The following ARHGAP5 variants were observed in gnomAD, a reference collection of about 807,000 sequenced individuals.
The protein encoded by ARHGAP5 is Rho GTPase activating protein 5.
ARHGAP5 carries 23 observed loss-of-function variants against 116.6 expected under a neutral mutation model. That is an observed-to-expected ratio of 0.20 (90% CI 0.14 to 0.28). The LOEUF is 0.28. ARHGAP5 is among the 10% of genes least tolerant of loss of function. The pLI is 1.00. For missense variants in ARHGAP5, 1,405 were observed against 1,774.8 expected, an observed-to-expected ratio of 0.79 and a Z score of 3.74; for synonymous variants, 574 against 602.0, an observed-to-expected ratio of 0.95 and a Z score of 0.68.
intron 2 of ARHGAP5, among the ~76,000 whole-genome samples, chr14:32,096,663 G>A (rs1179737991): frequency 6.6e-6 from 1 of 152,120 alleles, no homozygotes; most frequent in Non-Finnish European, 1.5e-5. Context: ...AAATTGTGAA[G>A]TAGTAGTTAA....
chr14:32,083,561 T>G (rs1476751705), intron 1 of ARHGAP5, among the ~76,000 whole-genome samples: 1 of 152,226 alleles, frequency 6.6e-6, no homozygotes, highest in East Asian at 1.9e-4. Context: ...CACATTGCCT[T>G]TATCTCCTTG....
intron 3 of ARHGAP5, among the ~76,000 whole-genome samples, chr14:32,139,279 C>A (rs1277927335): frequency 6.6e-6 from 1 of 151,996 alleles, no homozygotes. Context: ...AGTTTGAGAT[C>A]AATTATTGTT....
At chr14:32,117,781 G>C (rs982241303) in intron 3 of ARHGAP5, among the ~76,000 whole-genome samples, 2 of 152,128 alleles carry the variant, frequency 1.3e-5, no homozygotes, top group African/African-American at 4.8e-5. Context: ...TATATGATTT[G>C]AGTTGTATTT....
rs966980772 is a variant in ARHGAP5, at chr14:32,080,558, C to T, written c.-169+3123C>T. ...TAGTTCAGATTACTTTTATTTAGCA[C>T]TTACTATGTGCCTAGCCCTGGAAAT... is the stretch of plus-strand genomic sequence containing the variant. On this transcript the variant is annotated intron_variant, in intron 1 of 6. Coordinates refer to ENST00000345122, the MANE Select transcript of ARHGAP5 (RefSeq NM_001030055.2). Among the ~76,000 whole-genome samples, 6 of 151,822 alleles carry T rather than the reference C, an allele frequency of 4.0e-5. No homozygotes were observed. In the South Asian group the frequency reaches 1.2e-3, roughly 31 times the overall value.
At chr14:32,100,682 C>T (rs1878751811) in intron 2 of ARHGAP5, among the ~76,000 whole-genome samples, 1 of 152,152 alleles carries the variant, frequency 6.6e-6, no homozygotes, top group Admixed American at 6.5e-5. Flanking sequence ...CCACAGAGGT[C>T]TTGAAAGCAA....
At chr14:32,138,858 G>A (rs192220501) in intron 3 of ARHGAP5, among the ~76,000 whole-genome samples, 1 of 152,152 alleles carries the variant, frequency 6.6e-6, no homozygotes, top group East Asian at 1.9e-4. Flanking sequence ...GTCCTTGATC[G>A]TGTTGAAGAA....
At chr14:32,101,166 T>C (rs1412528786) in intron 2 of ARHGAP5, among the ~76,000 whole-genome samples, 1 of 152,182 alleles carries the variant, frequency 6.6e-6, no homozygotes, top group Non-Finnish European at 1.5e-5. Flanking sequence ...CTAATCAGTG[T>C]TTTTTCTTTG....
At position 32,091,979 on chromosome 14, in the gene ARHGAP5, C is replaced by T. The variant is rs56259828; in HGVS notation, c.1310C>T (p.Thr437Ile). The T allele has an allele frequency of 1.2e-6, 2 of 1,613,628 alleles. No individual in the cohort carries two copies. Among genetic ancestry groups the T allele is most frequent in the Non-Finnish European group, 1.7e-6 (2 of 1,179,676 alleles). ...RVEMKEKFKK[T>I]LEKIQFISPG... Reference sequence around the variant, plus strand: ...GAAATGAAGGAAAAATTCAAAAAGACTTTGGAAAAAATTCAATTCATTTCA... The same window carrying T: ...GAAATGAAGGAAAAATTCAAAAAGATTTTGGAAAAAATTCAATTCATTTCA... The change falls in exon 2 of 7, where the codon ACT becomes ATT. Residue 437 changes from threonine to isoleucine, a missense_variant. By Grantham distance (89) the Thr-to-Ile change is moderately conservative. Coordinates refer to ENST00000345122, the MANE Select transcript of ARHGAP5 (RefSeq NM_001030055.2).
At chr14:32,085,559 G>A (rs573404298) in intron 1 of ARHGAP5, among the ~76,000 whole-genome samples, 204 of 152,290 alleles carry the variant, frequency 1.3e-3, no homozygotes, top group African/African-American at 4.6e-3. Context: ...TTAGTGTGCA[G>A]TTGTTTTTTT....
intron 5 of ARHGAP5, among the ~76,000 whole-genome samples, chr14:32,150,585 G>T (rs1190291450): frequency 1.3e-5 from 2 of 152,158 alleles, no homozygotes; most frequent in African/African-American, 4.8e-5. Flanking sequence ...CAAGAAGGGG[G>T]CTGAACTTAC....
rs1235871034 is a variant in ARHGAP5, at chr14:32,157,313, A to G, written c.*2365A>G. ...TCTAAGAACAGAATAACATAATTAA[A>G]CTTTTTTCTGGTAAGTTACTGGAAG... On this transcript the variant is annotated 3_prime_UTR_variant, in exon 7 of 7. Coordinates refer to ENST00000345122, the MANE Select transcript of ARHGAP5 (RefSeq NM_001030055.2). 2.0e-5 allele frequency: 3 copies of G among 152,136 alleles called. No individual in the cohort carries two copies. Among genetic ancestry groups the G allele is most frequent in the African/African-American group, 7.2e-5 (3 of 41,432 alleles). The allele number at this position is 152,136 out of a possible 1,614,324, so 9.4% of individuals were successfully genotyped here. A position where few individuals can be genotyped will look rare whatever the true frequency, so the allele number is the denominator to read the frequency against.
chr14:32,145,820 A>C (rs985617125), intron 3 of ARHGAP5, among the ~76,000 whole-genome samples: 6 of 152,210 alleles, frequency 3.9e-5, no homozygotes, highest in East Asian at 1.9e-4. Flanking sequence ...CTAAGAACTT[A>C]CTTTTTTAAA....
In ARHGAP5 at chr14:32,085,895, A is replaced by C. The variant is rs1469808743; in HGVS notation, c.-168-4607A>C. On this transcript the variant is annotated intron_variant, in intron 1 of 6. Transcript: ENST00000345122. Reference sequence around the variant, plus strand: ...TTAGATTGTTATGCTGGCTAAGTACATTATTATAGATTGTAGTTAGCTTTC... The same window carrying C: ...TTAGATTGTTATGCTGGCTAAGTACCTTATTATAGATTGTAGTTAGCTTTC... 2.0e-5 allele frequency among the ~76,000 whole-genome samples: 3 copies of C among 152,170 alleles called. No individual in the cohort carries two copies. The East Asian group carries it at 5.8e-4, about 29-fold the overall frequency.
intron 2 of ARHGAP5, among the ~76,000 whole-genome samples, chr14:32,097,712 C>G (rs1354728602): frequency 6.6e-6 from 1 of 151,678 alleles, no homozygotes; most frequent in African/African-American, 2.4e-5. Flanking sequence ...ATGTAAAGGC[C>G]AAAAAGGATT....
intron 2 of ARHGAP5, among the ~76,000 whole-genome samples, chr14:32,101,198 T>C (rs1878773874): frequency 6.6e-6 from 1 of 152,214 alleles, no homozygotes; most frequent in Non-Finnish European, 1.5e-5. Context: ...TCCCTTCTTA[T>C]CTAAATCCAC....
intron 1 of ARHGAP5, 86 bp downstream of exon 1, chr14:32,077,521 C>T (rs2041719263): frequency 1.6e-6 from 1 of 642,932 alleles, no homozygotes; most frequent in South Asian, 1.7e-5. Flanking sequence ...CCCGCTCGGT[C>T]GCCGCTGCCG....
At chr14:32,087,237 ATAGAGGACAGT>A (rs1022134953) in intron 1 of ARHGAP5, among the ~76,000 whole-genome samples, 1 of 152,056 alleles carries the variant, frequency 6.6e-6, no homozygotes, top group Non-Finnish European at 1.5e-5. Context: ...TGCTTGGCTA[ATAGAGGACAGT>A]TTTGATCTGG....
chr14:32,094,804 T>A (rs994534848), intron 2 of ARHGAP5, among the ~76,000 whole-genome samples: 3 of 152,214 alleles, frequency 2.0e-5, no homozygotes, highest in Admixed American at 6.5e-5. Flanking sequence ...CTTGGATATT[T>A]ATTAACTTTT....
chr14:32,118,507 A>G (rs1879718728), intron 3 of ARHGAP5, among the ~76,000 whole-genome samples: 1 of 151,852 alleles, frequency 6.6e-6, no homozygotes, highest in Admixed American at 6.6e-5. Context: ...AAAAAAAAAA[A>G]GAAAGAAGAA....
Sources: allele counts gnomAD v4.1 joint callset (sites outside exome capture counted in the v4.1 genomes callset), GRCh38; gene constraint gnomAD v4.1.1; transcripts MANE v1.5; gene names NCBI Gene and HGNC (gene_info 2026-07-23, HGNC 2026-07-21).